Variants in SHROOM4 observed in about 807,000 individuals in gnomAD.
The protein encoded by SHROOM4 is protein Shroom4.
Under a neutral mutation model 80.3 loss-of-function variants are expected in SHROOM4, and 17 were observed. The ratio of observed to expected loss-of-function variants is 0.21; its 90% CI spans 0.14 to 0.32. The LOEUF (loss-of-function observed/expected upper bound fraction) is 0.32. Ranked by LOEUF, SHROOM4 falls within the 10% of genes least tolerant of loss-of-function variation. The pLI is 1.00. For missense variants in SHROOM4, 993 were observed against 1,140.3 expected (o/e 0.87, Z 1.86); for synonymous variants, 400 against 437.5 (o/e 0.91, Z 1.07).
rs896592749 is a variant in SHROOM4, at chrX:50,629,792, T to C, written c.2896-2117A>G. ...CTTCACAGCACTGAACAGGAGACAA[T>C]TAGTTCACCAACCTCGTCCAGGGGC... On this transcript the variant is annotated intron_variant, in intron 4 of 8. Coordinates refer to ENST00000376020, the MANE Select transcript of SHROOM4 (RefSeq NM_020717.5). Among the ~76,000 whole-genome samples the C allele has an allele frequency of 4.5e-5, 5 of 111,747 alleles. No individual in the cohort carries two copies. In the Middle Eastern group the frequency reaches 0.014, roughly 312 times the overall value.
At position 50,595,320 on chromosome X, in the gene SHROOM4, C is replaced by G. The variant is rs1170640996; in HGVS notation, c.*1375G>C. 1 of 114,803 alleles carries G rather than the reference C, an allele frequency of 8.7e-6. No individual in the cohort carries two copies. The highest frequency in any genetic ancestry group is 1.8e-5 in the Non-Finnish European group (1 of 55,048). 9.5% of individuals were successfully genotyped at this position (114,803 alleles called of 1,213,427 possible). ...TGTATGCCTAAGATCCTGGCTGGGT[C>G]TTCAATTGCTCTGGGGAGCTGGCTC... On this transcript the variant is annotated 3_prime_UTR_variant, in exon 9 of 9. Transcript: ENST00000376020.
At chrX:50,633,150 G>T (rs1931139709) in intron 4 of SHROOM4, 28 bp downstream of exon 4, 1 of 1,178,412 alleles carries the variant, frequency 8.5e-7, no homozygotes, top group Non-Finnish European at 1.2e-6. Context: ...AATAATGAAG[G>T]TTACCCACCC....
chrX:50,618,960 C>T (rs782258707), intron 5 of SHROOM4, among the ~76,000 whole-genome samples: 5 of 111,545 alleles, frequency 4.5e-5, no homozygotes, highest in South Asian at 3.8e-4. Context: ...GGCTTTAGCG[C>T]CTCACTGAGG....
At chrX:50,684,653 GC>G (rs1933025647) in intron 2 of SHROOM4, among the ~76,000 whole-genome samples, 1 of 111,867 alleles carries the variant, frequency 8.9e-6, no homozygotes, top group Non-Finnish European at 1.9e-5. Context: ...GGAGACTTGA[GC>G]TGGTTTGTAG....
At chrX:50,647,576 G>A (rs782328800) in intron 2 of SHROOM4, among the ~76,000 whole-genome samples, 2 of 111,805 alleles carry the variant, frequency 1.8e-5, no homozygotes, top group Middle Eastern at 4.6e-3. Context: ...CATTTATAGC[G>A]TCCCTTGGGA....
intron 1 of SHROOM4, among the ~76,000 whole-genome samples, chrX:50,769,497 G>C (rs1935352795): frequency 8.9e-6 from 1 of 111,809 alleles, no homozygotes; most frequent in South Asian, 3.7e-4. Flanking sequence ...GCAGCTAGCA[G>C]ACTGGCAGGG....
intron 5 of SHROOM4, among the ~76,000 whole-genome samples, chrX:50,613,275 G>A (rs1158945929): frequency 4.5e-5 from 5 of 110,817 alleles, no homozygotes; most frequent in Non-Finnish European, 7.5e-5. Context: ...CACCATACCC[G>A]GCTAATTTTT....
At chrX:50,610,352 T>TCACACACA (rs1557249589) in intron 5 of SHROOM4, among the ~76,000 whole-genome samples, 32 of 91,708 alleles carry the variant, frequency 3.5e-4, no homozygotes, top group East Asian at 1.6e-3. Context: ...TCTCTCTCTC[T>TCACACACA]CACACACACA....
At chrX:50,619,440 A>G (rs1278251251) in intron 5 of SHROOM4, among the ~76,000 whole-genome samples, 1 of 111,562 alleles carries the variant, frequency 9.0e-6, no homozygotes, top group Non-Finnish European at 1.9e-5. Context: ...AGACGCAAGG[A>G]GGATACACAG....
chrX:50,721,344 G>A (rs1222494012), intron 1 of SHROOM4, among the ~76,000 whole-genome samples: 2 of 112,549 alleles, frequency 1.8e-5, no homozygotes, highest in African/African-American at 3.2e-5. Context: ...CAGCCCTGAG[G>A]GCTGCTGGTT....
At chrX:50,747,096 T>G (rs781793431) in intron 1 of SHROOM4, among the ~76,000 whole-genome samples, 4 of 111,929 alleles carry the variant, frequency 3.6e-5, no homozygotes, top group Non-Finnish European at 5.6e-5. Context: ...CCAGATCATA[T>G]TCATAGTGAC....
At chrX:50,676,669 A>T (rs1349983349) in intron 2 of SHROOM4, among the ~76,000 whole-genome samples, 1 of 111,240 alleles carries the variant, frequency 9.0e-6, no homozygotes, top group African/African-American at 3.3e-5. Flanking sequence ...TTATGATAGG[A>T]TCACTTTAAC....
chrX:50,658,072 T>C (rs1033830848), intron 2 of SHROOM4, among the ~76,000 whole-genome samples: 3 of 112,121 alleles, frequency 2.7e-5, no homozygotes. Flanking sequence ...TTTCCTTCTA[T>C]GTGAGGACAC....
intron 1 of SHROOM4, among the ~76,000 whole-genome samples, chrX:50,787,973 A>C (rs143829316): frequency 0.024 from 2,727 of 111,914 alleles, 43 homozygotes; most frequent in Admixed American, 0.066. Flanking sequence ...ACATAAAATA[A>C]TAATACAAAA....
chrX:50,646,334 G>A (rs1460159638), intron 2 of SHROOM4, among the ~76,000 whole-genome samples: 1 of 111,046 alleles, frequency 9.0e-6, no homozygotes, highest in African/African-American at 3.3e-5. Context: ...AGCAGGAAGG[G>A]AAGCCCACAG....
intron 1 of SHROOM4, among the ~76,000 whole-genome samples, chrX:50,702,549 A>T (rs1315546065): frequency 8.9e-6 from 1 of 111,997 alleles, no homozygotes; most frequent in African/African-American, 3.2e-5. Context: ...GACCAGACAA[A>T]AACAACACAT....
rs1366124410 is a variant in SHROOM4, at chrX:50,647,830, A to G, written c.270-9522T>C. 2.7e-5 allele frequency among the ~76,000 whole-genome samples: 3 copies of G among 111,466 alleles called. No homozygotes were observed. The Admixed American group carries it at 2.9e-4, about 11-fold the overall frequency. On this transcript the variant is annotated intron_variant, in intron 2 of 8. Transcript: ENST00000376020. ...AACAACAGTTAGGACCCCAATAGAA[A>G]CAAGAACACCCAGTCACTCTGCTTT... is the stretch of plus-strand genomic sequence containing the variant.
At chrX:50,804,250 T>C (rs1383205033) in intron 1 of SHROOM4, among the ~76,000 whole-genome samples, 1 of 111,670 alleles carries the variant, frequency 9.0e-6, no homozygotes, top group Admixed American at 9.5e-5. Context: ...GCAATTGAGA[T>C]AGAGAGATGA....
intron 1 of SHROOM4, among the ~76,000 whole-genome samples, chrX:50,805,004 G>A (rs1936198653): frequency 9.0e-6 from 1 of 111,474 alleles, no homozygotes; most frequent in African/African-American, 3.3e-5. Flanking sequence ...GAAGCTTCAA[G>A]ATGTCATCAC....
Sources: gnomAD v4.1 joint callset for allele counts (sites outside exome capture counted in the v4.1 genomes callset) on GRCh38, gnomAD v4.1.1 for gene constraint, MANE v1.5 for transcripts, NCBI Gene and HGNC (gene_info 2026-07-23, HGNC 2026-07-21) for gene names.